COL22A1: variants seen among roughly 807,000 people sequenced by gnomAD.
COL22A1 encodes collagen type XXII alpha 1 chain, also known as collagen alpha-1(XXII) chain.
A neutral mutation model predicts 248.9 loss-of-function variants in COL22A1; 221 were observed. That is an observed-to-expected ratio of 0.89 (90% CI 0.80 to 0.99). The LOEUF (loss-of-function observed/expected upper bound fraction) is 0.99. Ranked by LOEUF, COL22A1 falls within the 50% of genes least tolerant of loss-of-function variation. COL22A1 has a pLI of 0.00. For missense variants in COL22A1, 2,240 were observed against 2,179.0 expected (o/e 1.03, Z -0.56); for synonymous variants, 891 against 793.4 (o/e 1.12, Z -2.07).
intron 22 of COL22A1, among the ~76,000 whole-genome samples, chr8:138,744,099 TG>T (rs1213775987): frequency 6.6e-6 from 1 of 152,114 alleles, no homozygotes; most frequent in Non-Finnish European, 1.5e-5. Context: ...CCTGGCTTCA[TG>T]CCATGAAATG....
chr8:138,829,404 T>TTTTTG (rs1029659839), intron 5 of COL22A1, among the ~76,000 whole-genome samples: 6 of 37,214 alleles, frequency 1.6e-4, no homozygotes, highest in East Asian at 8.3e-4. Context: ...TCCTTTCCTG[T>TTTTTG]TTTTTTTTTT....
intron 50 of COL22A1, among the ~76,000 whole-genome samples, chr8:138,627,769 G>A (rs965351889): frequency 6.6e-6 from 1 of 152,158 alleles, no homozygotes; most frequent in South Asian, 2.1e-4. Context: ...CCTACCGGAT[G>A]AGTTCAAGGC....
At chr8:138,782,449 C>T (rs1003946097) in intron 12 of COL22A1, among the ~76,000 whole-genome samples, 1 of 152,244 alleles carries the variant, frequency 6.6e-6, no homozygotes, top group Non-Finnish European at 1.5e-5. Flanking sequence ...AACTCCTGAG[C>T]TCAGGCAATC....
At chr8:138,797,774 T>C (rs1245665631) in intron 11 of COL22A1, among the ~76,000 whole-genome samples, 1 of 152,208 alleles carries the variant, frequency 6.6e-6, no homozygotes, top group African/African-American at 2.4e-5. Flanking sequence ...TTGAAGTCTC[T>C]AACTATTGTT....
chr8:138,684,418 C>A lies in COL22A1; in HGVS notation c.3012+7G>T, dbSNP rs767530479. ...GGCACCCACAGTTTTCTTGGACAAG[C>A]ACTCACCTTGGTTCCTAGGGGTCCA... is the stretch of plus-strand genomic sequence containing the variant. On this transcript the variant is annotated splice_region_variant and intron_variant, in intron 39 of 64. Transcript: ENST00000303045. 3.7e-6 allele frequency: 6 copies of A among 1,603,874 alleles called. No individual in the cohort carries two copies. In the South Asian group the frequency reaches 6.6e-5, roughly 18 times the overall value.
chr8:138,833,691 T>C (rs1042768769), intron 4 of COL22A1, among the ~76,000 whole-genome samples: 2 of 152,230 alleles, frequency 1.3e-5, no homozygotes, highest in African/African-American at 2.4e-5. Context: ...TGATTTTGTT[T>C]TGTTTTGCTT....
intron 63 of COL22A1, among the ~76,000 whole-genome samples, chr8:138,592,563 T>C (rs187008581): frequency 5.3e-5 from 8 of 152,332 alleles, no homozygotes; most frequent in African/African-American, 1.9e-4. Context: ...AAAAAGCCTT[T>C]CAAGTAGGAG....
Position 138,812,982 on chromosome 8 carries a change from C to G in COL22A1, c.1283G>C (p.Arg428Thr). The G allele has an allele frequency of 6.2e-7, 1 of 1,614,082 alleles. No homozygotes were observed. Among genetic ancestry groups the G allele is most frequent in the Non-Finnish European group, 8.5e-7 (1 of 1,179,978 alleles). Residue 428 changes from arginine (R) to threonine (T), a missense_variant, in exon 8 of 65, where the codon AGA becomes ACA. Transcript: ENST00000303045. ...LQRIVIYCDS[R>T]HAELETCCDI... ...ACAACAAGTCTCCAATTCTGCGTGT[C>G]TCGAGTCACAATAGATCACAATCCG...
chr8:138,738,524 A>G (rs1461647851), intron 22 of COL22A1, among the ~76,000 whole-genome samples: 1 of 152,134 alleles, frequency 6.6e-6, no homozygotes, highest in African/African-American at 2.4e-5. Context: ...TTTCACGGCA[A>G]ACTCTCTTTC....
intron 45 of COL22A1, among the ~76,000 whole-genome samples, chr8:138,655,176 T>A (rs1823125901): frequency 6.6e-6 from 1 of 152,166 alleles, no homozygotes; most frequent in Non-Finnish European, 1.5e-5. Context: ...ATAGTATTGA[T>A]CCCATAGAAT....
chr8:138,871,994 G>A (rs73351977), intron 3 of COL22A1, among the ~76,000 whole-genome samples: 370 of 152,252 alleles, frequency 2.4e-3, no homozygotes, highest in African/African-American at 8.3e-3. Context: ...CCACAAACCC[G>A]TCTGCAAGGA....
chr8:138,800,729 T>C (rs1816930658), intron 11 of COL22A1, among the ~76,000 whole-genome samples: 1 of 152,126 alleles, frequency 6.6e-6, no homozygotes, highest in Admixed American at 6.5e-5. Flanking sequence ...TACAACCATG[T>C]TTGTTCTCTG....
intron 1 of COL22A1, among the ~76,000 whole-genome samples, chr8:138,906,122 G>A (rs1370423275): frequency 6.6e-6 from 1 of 152,160 alleles, no homozygotes; most frequent in African/African-American, 2.4e-5. Flanking sequence ...TGTAATCCCA[G>A]CACTTTGGGA....
chr8:138,888,204 C>T (rs1479444684), intron 1 of COL22A1, among the ~76,000 whole-genome samples: 6 of 152,144 alleles, frequency 3.9e-5, no homozygotes. Context: ...TGCACAGGTT[C>T]TCAATGACCC....
intron 47 of COL22A1, among the ~76,000 whole-genome samples, chr8:138,644,769 A>G (rs1296051713): frequency 6.6e-6 from 1 of 152,180 alleles, no homozygotes; most frequent in Non-Finnish European, 1.5e-5. Flanking sequence ...GACTTCTCCT[A>G]TAGCTTTTTA....
chr8:138,597,987 G>A (rs1246629667), intron 61 of COL22A1, among the ~76,000 whole-genome samples: 1 of 152,184 alleles, frequency 6.6e-6, no homozygotes, highest in East Asian at 1.9e-4. Context: ...GCAGGGACAT[G>A]GAGGTCATCC....
chr8:138,743,675 C>T (rs1049790012), intron 22 of COL22A1, among the ~76,000 whole-genome samples: 3 of 152,136 alleles, frequency 2.0e-5, no homozygotes, highest in South Asian at 2.1e-4. Flanking sequence ...GTTTTACTAA[C>T]GATAGGCCTG....
intron 35 of COL22A1, among the ~76,000 whole-genome samples, chr8:138,693,009 C>T (rs1827213122): frequency 6.6e-6 from 1 of 152,174 alleles, no homozygotes; most frequent in Non-Finnish European, 1.5e-5. Flanking sequence ...GCCACCACTG[C>T]TCCCCAGAGA....
At chr8:138,723,781 G>A (rs1563670007) in intron 25 of COL22A1, among the ~76,000 whole-genome samples, 1 of 152,218 alleles carries the variant, frequency 6.6e-6, no homozygotes, top group Non-Finnish European at 1.5e-5. Context: ...GCTGCACTGG[G>A]GAGCAACAGA....
Sources: allele counts gnomAD v4.1 joint callset (sites outside exome capture counted in the v4.1 genomes callset), GRCh38; gene constraint gnomAD v4.1.1; transcripts MANE v1.5; gene names NCBI Gene and HGNC (gene_info 2026-07-23, HGNC 2026-07-21).